The following WRN variants were observed in gnomAD, a reference collection of about 807,000 sequenced individuals.
WRN encodes the protein bifunctional 3'-5' exonuclease/ATP-dependent helicase WRN.
WRN carries 149 observed loss-of-function variants against 180.7 expected under a neutral mutation model. That is an observed-to-expected ratio of 0.82 (90% CI 0.72 to 0.94). The LOEUF (loss-of-function observed/expected upper bound fraction) is 0.94. WRN is among the 40% of genes least tolerant of loss of function. The pLI is 0.00. For missense variants in WRN, 1,661 were observed against 1,700.1 expected (o/e 0.98, Z 0.40); for synonymous variants, 548 against 568.9 (o/e 0.96, Z 0.52).
rs901074684 is a variant in WRN at position 31,174,453 on chromosome 8, G to A, written c.*1351G>A. 2.0e-5 allele frequency among the ~76,000 whole-genome samples: 3 copies of A among 152,178 alleles called. No individual in the cohort carries two copies. The highest frequency in any genetic ancestry group is 1.9e-4 in the East Asian group (1 of 5,194). On this transcript the variant is annotated 3_prime_UTR_variant, in exon 35 of 35. Coordinates refer to ENST00000298139, the MANE Select transcript of WRN (RefSeq NM_000553.6). ...CTGAAAAGAATGACTAATGAAAAAC[G>A]ATGATTGGTTATTAGATTTGGATGT...
chr8:31,154,189 T>C (rs568714673), intron 31 of WRN, among the ~76,000 whole-genome samples: 12 of 152,070 alleles, frequency 7.9e-5, no homozygotes, highest in Admixed American at 7.2e-4. Flanking sequence ...ATTAGATATG[T>C]AGAGAGAGTG....
chr8:31,143,052 C>T (rs987529576), intron 27 of WRN, among the ~76,000 whole-genome samples: 8 of 65,366 alleles, frequency 1.2e-4, no homozygotes, highest in South Asian at 8.1e-4. Context: ...CACACACACA[C>T]ACATTCTCTC....
intron 23 of WRN, among the ~76,000 whole-genome samples, chr8:31,125,537 G>GATCTATATATATATATATATAT (rs1760337096): frequency 1.6e-5 from 1 of 63,766 alleles, no homozygotes; most frequent in Non-Finnish European, 3.0e-5. Context: ...ATATTATGGA[G>GATCTATATATATATATATATAT]ATATATATAT....
chr8:31,125,541 T>G (rs1316471362), intron 23 of WRN, among the ~76,000 whole-genome samples: 4 of 71,508 alleles, frequency 5.6e-5, no homozygotes, highest in Non-Finnish European at 1.3e-4. Flanking sequence ...TATGGAGATA[T>G]ATATATATAT....
rs993868473 is a variant in WRN at position 31,173,521 on chromosome 8, G to T, written c.*419G>T. ...TGTTTTGTAAATGTAAGAAAGCATA[G>T]TTATTTTACAAATTGTTTTTACTGT... On this transcript the variant is annotated 3_prime_UTR_variant, in exon 35 of 35. Coordinates refer to ENST00000298139, the MANE Select transcript of WRN (RefSeq NM_000553.6). 1 of 187,352 alleles carries T rather than the reference G, an allele frequency of 5.3e-6. No homozygotes were observed. The highest frequency in any genetic ancestry group is 2.4e-5 in the African/African-American group (1 of 42,496). 11.6% of individuals were successfully genotyped at this position (187,352 alleles called of 1,614,324 possible). A position where few individuals can be genotyped will look rare whatever the true frequency, so the allele number is the denominator to read the frequency against.
intron 8 of WRN, 84 bp from the exon 9 acceptor site, chr8:31,080,782 CT>C: frequency 8.5e-7 from 1 of 1,176,908 alleles, no homozygotes; most frequent in Non-Finnish European, 1.2e-6. Flanking sequence ...GCTTAGAAAG[CT>C]TTTACTTGTT....
intron 26 of WRN, 135 bp from the exon 27 acceptor site, chr8:31,142,491 A>G: frequency 1.5e-6 from 1 of 646,194 alleles, no homozygotes; most frequent in Non-Finnish European, 2.4e-6. Context: ...TTCTAGAAAA[A>G]AAAATCAGTT....
chr8:31,045,220 G>A (rs1203061482), intron 1 of WRN, among the ~76,000 whole-genome samples: 2 of 152,056 alleles, frequency 1.3e-5, no homozygotes, highest in African/African-American at 4.8e-5. Context: ...TTTATTGTAT[G>A]TATTTACGGT....
At chr8:31,091,706 A>G in intron 15 of WRN, 124 bp from the exon 16 acceptor site, 2 of 1,039,110 alleles carry the variant, frequency 1.9e-6, no homozygotes, top group Non-Finnish European at 1.4e-6. Flanking sequence ...GTAAGTGACA[A>G]AAAAGAAAAT....
At chr8:31,124,015 A>T (rs987176179) in intron 21 of WRN, among the ~76,000 whole-genome samples, 1 of 152,100 alleles carries the variant, frequency 6.6e-6, no homozygotes, top group African/African-American at 2.4e-5. Context: ...ATACTAAGAG[A>T]CAGTTTTGGA....
At chr8:31,169,474 A>G (rs909172642) in intron 34 of WRN, among the ~76,000 whole-genome samples, 2 of 151,358 alleles carry the variant, frequency 1.3e-5, no homozygotes, top group Non-Finnish European at 1.5e-5. Flanking sequence ...TTGATTTGTG[A>G]TGTCCTTTTG....
intron 24 of WRN, 106 bp from the exon 25 acceptor site, chr8:31,141,324 T>A: frequency 1.4e-6 from 2 of 1,445,914 alleles, no homozygotes; most frequent in Middle Eastern, 3.5e-4. Context: ...GTTTTTAAAG[T>A]TGAAATTTAG....
At chr8:31,084,998 C>G (rs1813470584) in intron 10 of WRN, among the ~76,000 whole-genome samples, 168 bp from the exon 11 acceptor site, 1 of 151,680 alleles carries the variant, frequency 6.6e-6, no homozygotes, top group Admixed American at 6.6e-5. Context: ...TCATTCTTCT[C>G]TCTCTCCCTT....
rs574691375 is a variant in WRN at position 31,034,944 on chromosome 8, A to G, written c.-77+971A>G. Among the ~76,000 whole-genome samples the G allele has an allele frequency of 2.2e-4, 34 of 152,182 alleles. 1 individual carries two copies. The highest frequency in any genetic ancestry group is 1.0e-3 in the South Asian group (5 of 4,830). ...CCATATAGCAGGTGGGCTTTAAGAG[A>G]TAATTATCCAGCTCAGACCGGGAGT... On this transcript the variant is annotated intron_variant, in intron 1 of 34. Coordinates refer to ENST00000298139, the MANE Select transcript of WRN (RefSeq NM_000553.6).
intron 11 of WRN, among the ~76,000 whole-genome samples, chr8:31,085,869 T>G (rs1338581227): frequency 1.3e-5 from 2 of 152,146 alleles, no homozygotes; most frequent in Admixed American, 6.6e-5. Flanking sequence ...TTCTTCCAAT[T>G]CATGTGTATC....
At chr8:31,090,576 A>G in intron 14 of WRN, 44 bp downstream of exon 14, 1 of 1,566,712 alleles carries the variant, frequency 6.4e-7, no homozygotes. Context: ...AAAAAATAAA[A>G]CATAAAGAGT....
intron 8 of WRN, among the ~76,000 whole-genome samples, chr8:31,080,072 G>T (rs1445719842): frequency 1.3e-5 from 2 of 152,100 alleles, no homozygotes; most frequent in Non-Finnish European, 1.5e-5. Context: ...GTAGAGACAG[G>T]GTTTTGCCAT....
At chr8:31,102,833 CAAT>C (rs1800935346) in intron 18 of WRN, among the ~76,000 whole-genome samples, 1 of 151,964 alleles carries the variant, frequency 6.6e-6, no homozygotes, top group Admixed American at 6.5e-5. Flanking sequence ...TTTCTTTCTT[CAAT>C]AATAAATTAA....
intron 3 of WRN, among the ~76,000 whole-genome samples, chr8:31,059,564 T>C (rs993588615): frequency 1.3e-5 from 2 of 152,180 alleles, no homozygotes; most frequent in African/African-American, 4.8e-5. Flanking sequence ...GTACTTAAGA[T>C]GTTATATATA....
Sources: gnomAD v4.1 joint callset for allele counts (sites outside exome capture counted in the v4.1 genomes callset) on GRCh38, gnomAD v4.1.1 for gene constraint, MANE v1.5 for transcripts, NCBI Gene and HGNC (gene_info 2026-07-23, HGNC 2026-07-21) for gene names.